BTBD9: variants seen among roughly 807,000 people sequenced by gnomAD.
The protein encoded by BTBD9 is BTB domain containing 9.
BTBD9 carries 49 observed loss-of-function variants against 64.3 expected under a neutral mutation model. The observed-to-expected ratio is 0.76, with a 90% CI of 0.61 to 0.97. The LOEUF (loss-of-function observed/expected upper bound fraction) is 0.97. Among genes scored for constraint, BTBD9 ranks in the 50% least tolerant of loss-of-function variants. The pLI is 0.00. For synonymous variants in BTBD9, 260 were observed against 274.7 expected, an observed-to-expected ratio of 0.95 and a Z score of 0.53; for missense variants, 598 against 762.1, an observed-to-expected ratio of 0.78 and a Z score of 2.53.
At chr6:38,182,069 A>G (rs1196188051) in intron 10 of BTBD9, among the ~76,000 whole-genome samples, 2 of 152,220 alleles carry the variant, frequency 1.3e-5, no homozygotes, top group Non-Finnish European at 2.9e-5. Flanking sequence ...TGCGAGCAAC[A>G]AATTTTCAGT....
At chr6:38,547,309 A>G (rs1175249805) in intron 6 of BTBD9, among the ~76,000 whole-genome samples, 1 of 152,228 alleles carries the variant, frequency 6.6e-6, no homozygotes, top group Non-Finnish European at 1.5e-5. Flanking sequence ...ACATGCCAGT[A>G]GTTCCAGCTA....
chr6:38,211,434 A>AG (rs1348692984), intron 9 of BTBD9, among the ~76,000 whole-genome samples: 3 of 78,492 alleles, frequency 3.8e-5, no homozygotes, highest in Non-Finnish European at 8.4e-5. Flanking sequence ...GTCTCACAAA[A>AG]GAAAAAAAAA....
chr6:38,359,376 G>T (rs553214491), intron 6 of BTBD9, among the ~76,000 whole-genome samples: 1 of 152,162 alleles, frequency 6.6e-6, no homozygotes, highest in Non-Finnish European at 1.5e-5. Flanking sequence ...ACAGACGAGA[G>T]CATGAAAAGG....
chr6:38,482,814 A>G (rs919464099), intron 6 of BTBD9, among the ~76,000 whole-genome samples: 1 of 152,140 alleles, frequency 6.6e-6, no homozygotes, highest in Non-Finnish European at 1.5e-5. Flanking sequence ...GCCATGATAT[A>G]CCACAAAGAC....
intron 10 of BTBD9, among the ~76,000 whole-genome samples, chr6:38,183,294 T>C (rs1761660156): frequency 6.6e-6 from 1 of 152,202 alleles, no homozygotes; most frequent in Non-Finnish European, 1.5e-5. Flanking sequence ...TCTTCTTTTA[T>C]AATTATGAAA....
intron 6 of BTBD9, among the ~76,000 whole-genome samples, chr6:38,469,480 T>C (rs988982138): frequency 5.3e-5 from 8 of 152,022 alleles, no homozygotes; most frequent in African/African-American, 1.9e-4. Flanking sequence ...CCACCACGCC[T>C]GGCTAATTTT....
At chr6:38,287,876 A>G (rs9349065) in intron 8 of BTBD9, among the ~76,000 whole-genome samples, 14,936 of 152,276 alleles carry the variant, frequency 0.098, 1,747 homozygotes, top group East Asian at 0.4. Flanking sequence ...AGATTATTCA[A>G]AACCAGATCT....
At chr6:38,468,965 C>T (rs1182775334) in intron 6 of BTBD9, among the ~76,000 whole-genome samples, 2 of 152,058 alleles carry the variant, frequency 1.3e-5, no homozygotes, top group African/African-American at 4.8e-5. Flanking sequence ...ATTTGGGACT[C>T]AGAGGATTAT....
intron 1 of BTBD9, among the ~76,000 whole-genome samples, chr6:38,637,472 A>C (rs904307449): frequency 6.6e-6 from 1 of 152,202 alleles, no homozygotes; most frequent in Non-Finnish European, 1.5e-5. Flanking sequence ...CAGGGTCTTT[A>C]ATTATTCTGA....
In BTBD9 at chr6:38,192,369, A is replaced by C. The variant is rs528106241; in HGVS notation, c.1641+150T>G. On this transcript the variant is annotated intron_variant, in intron 10 of 10. Coordinates refer to ENST00000481247, the MANE Select transcript of BTBD9 (RefSeq NM_001099272.2). The stretch of plus-strand genomic sequence containing the variant: ...ATCCAAAAATGATAATGATAACCCC[A>C]CTGTGCAACTGCAGGACTTTCTCCA... 44 of 663,804 alleles carry C rather than the reference A, an allele frequency of 6.6e-5. No individual in the cohort carries two copies. The East Asian group carries it at 1.2e-3, about 18-fold the overall frequency. The allele number at this position is 663,804 out of a possible 1,614,324, so 41.1% of individuals were successfully genotyped here. A position where few individuals can be genotyped will look rare whatever the true frequency, so the allele number is the denominator to read the frequency against.
intron 4 of BTBD9, among the ~76,000 whole-genome samples, chr6:38,580,913 C>A (rs148559199): frequency 5.3e-4 from 81 of 152,216 alleles, no homozygotes; most frequent in African/African-American, 1.6e-3. Flanking sequence ...ACTAAACAGG[C>A]GGGGTGCAGT....
At chr6:38,197,249 C>A (rs977326883) in intron 9 of BTBD9, among the ~76,000 whole-genome samples, 8 of 152,036 alleles carry the variant, frequency 5.3e-5, no homozygotes, top group Admixed American at 3.3e-4. Context: ...ATTTCAGAGG[C>A]GAGGAAACTG....
At chr6:38,434,791 T>C (rs1010410934) in intron 6 of BTBD9, among the ~76,000 whole-genome samples, 1 of 152,004 alleles carries the variant, frequency 6.6e-6, no homozygotes, top group African/African-American at 2.4e-5. Flanking sequence ...GTTTTAGTTG[T>C]TTTATATAGA....
At chr6:38,349,610 T>C (rs555342929) in intron 6 of BTBD9, among the ~76,000 whole-genome samples, 55 of 152,282 alleles carry the variant, frequency 3.6e-4, no homozygotes, top group African/African-American at 1.3e-3. Context: ...ACCATAGGTA[T>C]GCATGCATAG....
chr6:38,288,092 A>G (rs1761813692), intron 8 of BTBD9, among the ~76,000 whole-genome samples, 180 bp downstream of exon 8: 1 of 152,146 alleles, frequency 6.6e-6, no homozygotes, highest in Non-Finnish European at 1.5e-5. Context: ...GGAAAATCCA[A>G]ACAAGCACGC....
intron 6 of BTBD9, among the ~76,000 whole-genome samples, chr6:38,532,633 C>T (rs1773848972): frequency 6.6e-6 from 1 of 152,024 alleles, no homozygotes; most frequent in Admixed American, 6.6e-5. Flanking sequence ...TCCTCAGGCC[C>T]CTTTTCCAGG....
rs1766754527 is a variant in BTBD9 at position 38,171,455 on chromosome 6, A to G, written c.*3530T>C. The G allele has an allele frequency of 6.6e-6, 1 of 152,156 alleles. No homozygotes were observed. Among genetic ancestry groups the G allele is most frequent in the Non-Finnish European group, 1.5e-5 (1 of 68,038 alleles). 9.4% of individuals were successfully genotyped at this position (152,156 alleles called of 1,614,324 possible). On this transcript the variant is annotated 3_prime_UTR_variant, in exon 11 of 11. Transcript: ENST00000481247. The stretch of plus-strand genomic sequence containing the variant: ...AATAGGATTTAAAAAGTGACAATTT[A>G]AAGAGCAATTGAGAAGAGTCCCACA...
chr6:38,241,913 C>A (rs1244018352), intron 9 of BTBD9, among the ~76,000 whole-genome samples: 1 of 152,052 alleles, frequency 6.6e-6, no homozygotes, highest in African/African-American at 2.4e-5. Context: ...GAAAAACAGG[C>A]TAATATACTC....
chr6:38,178,668 G>A (rs1299990850), intron 10 of BTBD9, among the ~76,000 whole-genome samples: 1 of 136,746 alleles, frequency 7.3e-6, no homozygotes, highest in Non-Finnish European at 1.5e-5. Context: ...TGGTGTGGAA[G>A]AAAAACAGGA....
Sources: gnomAD v4.1 joint callset for allele counts (sites outside exome capture counted in the v4.1 genomes callset) on GRCh38, gnomAD v4.1.1 for gene constraint, MANE v1.5 for transcripts, NCBI Gene and HGNC (gene_info 2026-07-23, HGNC 2026-07-21) for gene names.